Variants in KCNK6 observed in about 807,000 individuals in gnomAD.
KCNK6 encodes potassium channel subfamily K member 6.
A neutral mutation model predicts 21.9 loss-of-function variants in KCNK6; 20 were observed. The ratio of observed to expected loss-of-function variants is 0.91; its 90% CI spans 0.64 to 1.32. KCNK6 has a LOEUF of 1.32. Ranked by LOEUF, KCNK6 falls within the 40% of genes most tolerant of loss-of-function variation. The pLI is 0.00. For synonymous variants in KCNK6, 210 were observed against 218.0 expected (o/e 0.96, Z 0.32); for missense variants, 415 against 433.1 (o/e 0.96, Z 0.37).
chr19:38,322,704 A>G, intron 1 of KCNK6, among the ~76,000 whole-genome samples: 1 of 151,934 alleles, frequency 6.6e-6, no homozygotes, highest in East Asian at 1.9e-4. Flanking sequence ...AATTCCAGCT[A>G]CTCGGGAGGC....
At chr19:38,320,355 C>G in intron 1 of KCNK6, 83 bp downstream of exon 1, 2 of 1,418,884 alleles carry the variant, frequency 1.4e-6, no homozygotes, top group South Asian at 1.2e-5. Context: ...GGGGCCCTCA[C>G]GAATACCCTT....
rs1007410642 is a variant in KCNK6 at position 38,330,947 on chromosome 19, T to C, written c.*3544T>C. 2 of 152,262 alleles carry C rather than the reference T, an allele frequency of 1.3e-5. No homozygotes were observed. Among genetic ancestry groups the C allele is most frequent in the African/African-American group, 4.8e-5 (2 of 41,466 alleles). The allele number at this position is 152,262 out of a possible 1,614,324, so 9.4% of individuals were successfully genotyped here. On this transcript the variant is annotated 3_prime_UTR_variant, in exon 3 of 3. Transcript: ENST00000263372. ...TGAGCTAAAGTCATCTCGGGGCAGC[T>C]AGGTGCCTATGTGAGCTGGCGTTCA...
intron 1 of KCNK6, among the ~76,000 whole-genome samples, chr19:38,324,069 G>T (rs961582892): frequency 2.0e-5 from 3 of 152,002 alleles, no homozygotes; most frequent in African/African-American, 7.3e-5. Context: ...TCTATGATTT[G>T]TCTATTTATA....
At position 38,331,199 on chromosome 19, in the gene KCNK6, G is replaced by A. The variant is rs80181125; in HGVS notation, c.*3796G>A. 0.036 allele frequency: 5,512 copies of A among 151,924 alleles called. 142 individuals are homozygous for A. Among genetic ancestry groups the A allele is most frequent in the East Asian group, 0.088 (455 of 5,164 alleles). 9.4% of individuals were successfully genotyped at this position (151,924 alleles called of 1,614,324 possible). A position where few individuals can be genotyped will look rare whatever the true frequency, so the allele number is the denominator to read the frequency against. On this transcript the variant is annotated 3_prime_UTR_variant, in exon 3 of 3. Transcript: ENST00000263372. ...TTAAAAATGAGCTGGGTGTGGTGGC[G>A]CACACCTGTAGTCCCAGTTACTCAG...
In KCNK6 at chr19:38,327,356, C is replaced by T. The variant is rs775672766; in HGVS notation, c.895C>T (p.Gln299Ter). The change falls in exon 3 of 3, where the codon CAA becomes TAA. Residue 299 changes from glutamine (Q) to a stop codon, truncating the protein, a stop_gained. Coordinates refer to ENST00000263372, the MANE Select transcript of KCNK6 (RefSeq NM_004823.3). LOFTEE classifies it high-confidence loss of function. The stretch of plus-strand genomic sequence containing the variant: ...GGGCCCCCAGCCGGAGTCGCACCAG[C>T]AACTCTCTGCCAGCTCCCACACCGA... ...ILGPQPESHQQLSASSHTDYA... is the reference protein window; with the variant it reads ...ILGPQPESHQ 6.2e-6 allele frequency: 10 copies of T among 1,612,144 alleles called. No homozygotes were observed. Among genetic ancestry groups the T allele is most frequent in the Non-Finnish European group, 8.5e-6 (10 of 1,180,014 alleles).
In KCNK6 at chr19:38,320,047, G is replaced by T; in HGVS notation, c.97G>T (p.Glu33Ter). Residue 33 changes from glutamate to a stop codon, truncating the protein, a stop_gained, in exon 1 of 3, where the codon GAA (glutamate) becomes TAA (stop). Coordinates refer to ENST00000263372, the MANE Select transcript of KCNK6 (RefSeq NM_004823.3). LOFTEE classifies it high-confidence loss of function. Reference protein sequence around the residue: ...LLVARLEGPHEARLRAELETL... With the variant: ...LLVARLEGPH The stretch of plus-strand genomic sequence containing the variant: ...GGTGGCGCGGCTGGAGGGGCCGCAC[G>T]AAGCCAGGCTCCGAGCCGAGCTGGA... The T allele has an allele frequency of 6.6e-7, 1 of 1,503,906 alleles. No individual in the cohort carries two copies. 93.2% of individuals were successfully genotyped at this position (1,503,906 alleles called of 1,614,324 possible).
At position 38,326,688 on chromosome 19, in the gene KCNK6, G is replaced by T; in HGVS notation, c.418G>T (p.Ala140Ser). 1 of 1,606,604 alleles carries T rather than the reference G, an allele frequency of 6.2e-7. No homozygotes were observed. ...GCCGACCACCATGCTGCTGCTGACC[G>T]CCTCAGCCCAGCGCCTGTCACTGCT... The part of the protein sequence containing the change: ...GVPTTMLLLT[A>S]SAQRLSLLLT... The change falls in exon 2 of 3, where the codon GCC becomes TCC. Residue 140 changes from alanine (A) to serine (S), a missense_variant. Transcript: ENST00000263372.
chr19:38,319,853 T>G lies in KCNK6; in HGVS notation c.-98T>G, dbSNP rs1355118949. ...CTCTTGGGGCATCTGCTGCCGCGCC[T>G]GTAGCACTCCCGGAACTGGAACTAG... On this transcript the variant is annotated 5_prime_UTR_variant, in exon 1 of 3. Coordinates refer to ENST00000263372, the MANE Select transcript of KCNK6 (RefSeq NM_004823.3). The G allele has an allele frequency of 8.4e-7, 1 of 1,195,520 alleles. No homozygotes were observed. The allele number at this position is 1,195,520 out of a possible 1,614,324, so 74.1% of individuals were successfully genotyped here.
chr19:38,321,800 T>C (rs1288256968), intron 1 of KCNK6, among the ~76,000 whole-genome samples: 1 of 152,218 alleles, frequency 6.6e-6, no homozygotes, highest in Non-Finnish European at 1.5e-5. Flanking sequence ...GCTTCTGAGC[T>C]TCCCTGGGTC....
intron 1 of KCNK6, chr19:38,325,576 C>T (rs1969699000): frequency 8.2e-6 from 8 of 975,172 alleles, no homozygotes; most frequent in South Asian, 4.7e-5. Flanking sequence ...TATGAGAAGA[C>T]GGTAAACCAT....
At position 38,326,847 on chromosome 19, in the gene KCNK6, G is replaced by A; in HGVS notation, c.577G>A (p.Ala193Thr). The change falls in exon 2 of 3, where the codon GCC (alanine) becomes ACC (threonine). Residue 193 changes from alanine to threonine, a missense_variant. Coordinates refer to ENST00000263372, the MANE Select transcript of KCNK6 (RefSeq NM_004823.3). ...VCFLVPAVIF[A>T]HLEEAWSFLD... ...CTTTCTGGTGCCGGCTGTGATCTTT[G>A]CCCACCTCGAGGAGGCCTGGAGCTT... 3 of 1,611,020 alleles carry A rather than the reference G, an allele frequency of 1.9e-6. No individual in the cohort carries two copies. Among genetic ancestry groups the A allele is most frequent in the Middle Eastern group, 1.6e-4 (1 of 6,062 alleles).
Position 38,320,235 on chromosome 19 carries a change from T to C in KCNK6, c.285T>C (p.Ser95=). The C allele has an allele frequency of 1.2e-6, 2 of 1,605,938 alleles. No homozygotes were observed. Among genetic ancestry groups the C allele is most frequent in the Non-Finnish European group, 1.7e-6 (2 of 1,179,786 alleles). Residue 95 remains serine, a synonymous_variant, in exon 1 of 3, where the codon TCT becomes TCC. Transcript: ENST00000263372. ...NASDPAWDFA[S]ALFFASTLIT... The stretch of plus-strand genomic sequence containing the variant: ...CGGACCCCGCCTGGGACTTCGCCTC[T>C]GCTCTCTTCTTCGCCAGCACGCTGA...
At position 38,323,633 on chromosome 19, in the gene KCNK6, C is replaced by T. The variant is rs192794878; in HGVS notation, c.323-2960C>T. On this transcript the variant is annotated intron_variant, in intron 1 of 2. Transcript: ENST00000263372. ...TTTTTGTTTTTCAGACAGGGTCTTG[C>T]TCTGTCACCCAGGCTAGAGTGCAGT... Among the ~76,000 whole-genome samples, 152 of 152,344 alleles carry T rather than the reference C, an allele frequency of 1.0e-3. 2 individuals are homozygous for T. The East Asian group carries it at 0.022, about 22-fold the overall frequency.
rs1278298618 is a variant in KCNK6, at chr19:38,328,180, A to T, written c.*777A>T. 6.6e-6 allele frequency: 1 copy of T among 152,220 alleles called. No homozygotes were observed. Among genetic ancestry groups the T allele is most frequent in the African/African-American group, 2.4e-5 (1 of 41,426 alleles). The allele number at this position is 152,220 out of a possible 1,614,324, so 9.4% of individuals were successfully genotyped here. ...CTAGAGGAAGGGACATCGAACTAAG[A>T]CCTGAACTATGAGAAATAGGCAGGA... On this transcript the variant is annotated 3_prime_UTR_variant, in exon 3 of 3. Transcript: ENST00000263372.
At chr19:38,326,080 G>A (rs905222775) in intron 1 of KCNK6, among the ~76,000 whole-genome samples, 1 of 152,326 alleles carries the variant, frequency 6.6e-6, no homozygotes, top group East Asian at 1.9e-4. Flanking sequence ...GATGGAGTGC[G>A]GCATGAGTGA....
Position 38,326,736 on chromosome 19 carries a change from T to TGGC in KCNK6, c.467_469dup (p.Trp156_Leu157insArg). ...GCTGCTGACTCACGTGCCCCTGTCTTGGCTGAGCATGCGTTGGGGCTGGGA... is the reference window on the plus strand; with the variant it reads ...GCTGCTGACTCACGTGCCCCTGTCTTGGCGGCTGAGCATGCGTTGGGGCTGGGA... On this transcript the variant is annotated inframe_insertion, in exon 2 of 3. Coordinates refer to ENST00000263372, the MANE Select transcript of KCNK6 (RefSeq NM_004823.3). The TGGC allele has an allele frequency of 6.2e-7, 1 of 1,604,542 alleles. No homozygotes were observed. The highest frequency in any genetic ancestry group is 1.3e-5 in the African/African-American group (1 of 75,066).
Position 38,327,848 on chromosome 19 carries a change from G to A in KCNK6, c.*445G>A, listed in dbSNP as rs887804762. The A allele has an allele frequency of 4.9e-6, 1 of 202,078 alleles. No homozygotes were observed. The highest frequency in any genetic ancestry group is 5.4e-5 in the Admixed American group (1 of 18,596). 12.5% of individuals were successfully genotyped at this position (202,078 alleles called of 1,614,324 possible). A position where few individuals can be genotyped will look rare whatever the true frequency, so the allele number is the denominator to read the frequency against. On this transcript the variant is annotated 3_prime_UTR_variant, in exon 3 of 3. Transcript: ENST00000263372. ...CTACACCCTGGACAAGTGACTGCCC[G>A]TCTCTGAGCCTTGATTTCCTCAGCT...
chr19:38,330,919 C>T lies in KCNK6; in HGVS notation c.*3516C>T, dbSNP rs1043668759. 2 of 152,258 alleles carry T rather than the reference C, an allele frequency of 1.3e-5. No individual in the cohort carries two copies. Among genetic ancestry groups the T allele is most frequent in the African/African-American group, 4.8e-5 (2 of 41,462 alleles). The allele number at this position is 152,258 out of a possible 1,614,324, so 9.4% of individuals were successfully genotyped here. A position where few individuals can be genotyped will look rare whatever the true frequency, so the allele number is the denominator to read the frequency against. The stretch of plus-strand genomic sequence containing the variant: ...GGTTCCTTACCTATGTCACAGCTGA[C>T]TTTGAGCTAAAGTCATCTCGGGGCA... On this transcript the variant is annotated 3_prime_UTR_variant, in exon 3 of 3. Transcript: ENST00000263372.
Position 38,326,935 on chromosome 19 carries a change from C to G in KCNK6, c.665C>G (p.Pro222Arg), listed in dbSNP as rs751818496. The change falls in exon 2 of 3, where the codon CCC becomes CGC. Residue 222 changes from proline (P) to arginine (R), a missense_variant. Coordinates refer to ENST00000263372, the MANE Select transcript of KCNK6 (RefSeq NM_004823.3). The stretch of plus-strand genomic sequence containing the variant: ...ACCATCGGCCTGGGCGACTACGTGC[C>G]CGGGGAGGCCCCTGGCCAGCCCTAC... ...LSTIGLGDYV[P>R]GEAPGQPYRA... 14 of 1,608,980 alleles carry G rather than the reference C, an allele frequency of 8.7e-6. No individual in the cohort carries two copies. Among genetic ancestry groups the G allele is most frequent in the Non-Finnish European group, 1.1e-5 (13 of 1,179,988 alleles).
Sources: allele counts gnomAD v4.1 joint callset (sites outside exome capture counted in the v4.1 genomes callset), GRCh38; gene constraint gnomAD v4.1.1; transcripts MANE v1.5; gene names NCBI Gene and HGNC (gene_info 2026-07-23, HGNC 2026-07-21).